The following ADAM32 variants were observed in gnomAD, a reference collection of about 807,000 sequenced individuals.
The protein encoded by ADAM32 is ADAM metallopeptidase domain 32, also known as disintegrin and metalloproteinase domain-containing protein 32.
Under a neutral mutation model 114.9 loss-of-function variants are expected in ADAM32, and 89 were observed. The ratio of observed to expected loss-of-function variants is 0.77; its 90% CI spans 0.65 to 0.92. ADAM32 has a LOEUF of 0.92. Ranked by LOEUF, ADAM32 falls within the 40% of genes least tolerant of loss-of-function variation. The pLI is 0.00. For missense variants in ADAM32, 870 were observed against 932.8 expected, an observed-to-expected ratio of 0.93 and a Z score of 0.88; for synonymous variants, 285 against 307.5, an observed-to-expected ratio of 0.93 and a Z score of 0.77.
rs773864055 is a variant in ADAM32, at chr8:39,232,131, T to TG, written c.1632dup (p.Arg545GlufsTer24). On this transcript the variant is annotated frameshift_variant, in exon 15 of 25. Coordinates refer to ENST00000379907, the MANE Select transcript of ADAM32 (RefSeq NM_145004.7). LOFTEE classifies it high-confidence loss of function. The stretch of plus-strand genomic sequence containing the variant: ...AAATAACAAATATGTGTTCTGTGGA[T>TG]GGAGGTATGCTCTACAAATATAAAT... 1 of 1,589,196 alleles carries TG rather than the reference T, an allele frequency of 6.3e-7. No individual in the cohort carries two copies. Among genetic ancestry groups the TG allele is most frequent in the South Asian group, 1.1e-5 (1 of 89,142 alleles).
chr8:39,247,010 C>T (rs997588932), intron 17 of ADAM32, among the ~76,000 whole-genome samples: 4 of 151,928 alleles, frequency 2.6e-5, no homozygotes, highest in Non-Finnish European at 4.4e-5. Flanking sequence ...AATGTTTCTC[C>T]GTGTTTTTCT....
chr8:39,270,254 A>G (rs1051342113), intron 19 of ADAM32, among the ~76,000 whole-genome samples: 2 of 152,164 alleles, frequency 1.3e-5, no homozygotes, highest in African/African-American at 4.8e-5. Flanking sequence ...GGGAGTGTGA[A>G]CTGGGGTCCT....
At chr8:39,171,044 A>G (rs1221805570) in intron 10 of ADAM32, among the ~76,000 whole-genome samples, 2 of 152,066 alleles carry the variant, frequency 1.3e-5, no homozygotes, top group African/African-American at 2.4e-5. Flanking sequence ...AGCGATTCTC[A>G]TGTCTCAGTC....
At chr8:39,133,698 A>G (rs1802601272) in intron 2 of ADAM32, among the ~76,000 whole-genome samples, 1 of 152,136 alleles carries the variant, frequency 6.6e-6, no homozygotes, top group South Asian at 2.1e-4. Flanking sequence ...GTGGCAGACT[A>G]GGCGGGCCAT....
chr8:39,155,210 T>G (rs1172769384), intron 6 of ADAM32, among the ~76,000 whole-genome samples: 1 of 152,212 alleles, frequency 6.6e-6, no homozygotes, highest in Non-Finnish European at 1.5e-5. Flanking sequence ...CAACATAGTA[T>G]TGGAAATTCC....
intron 12 of ADAM32, among the ~76,000 whole-genome samples, chr8:39,214,569 T>C (rs2129448499): frequency 6.6e-6 from 1 of 152,250 alleles, no homozygotes; most frequent in South Asian, 2.1e-4. Flanking sequence ...TTTGAGCTCC[T>C]TTTATGTTCT....
intron 16 of ADAM32, among the ~76,000 whole-genome samples, chr8:39,235,136 A>C (rs1810034703): frequency 6.6e-6 from 1 of 152,054 alleles, no homozygotes; most frequent in African/African-American, 2.4e-5. Flanking sequence ...TAAATAAATA[A>C]ATATTTAGAA....
chr8:39,247,581 G>C (rs1701766623), intron 17 of ADAM32, among the ~76,000 whole-genome samples: 1 of 151,580 alleles, frequency 6.6e-6, no homozygotes, highest in Non-Finnish European at 1.5e-5. Context: ...TTCATATTTT[G>C]AATAACAGTC....
intron 9 of ADAM32, 44 bp downstream of exon 9, chr8:39,165,240 T>G: frequency 7.6e-7 from 1 of 1,315,522 alleles, no homozygotes; most frequent in South Asian, 1.6e-5. Context: ...AACAAAGACC[T>G]GTGATAATTA....
chr8:39,230,772 C>T (rs944736571), intron 14 of ADAM32, among the ~76,000 whole-genome samples: 2 of 152,176 alleles, frequency 1.3e-5, no homozygotes, highest in African/African-American at 4.8e-5. Flanking sequence ...ATAGAAGGTG[C>T]AGGTAAACAG....
At chr8:39,248,297 G>A (rs10093393) in intron 17 of ADAM32, among the ~76,000 whole-genome samples, 42,023 of 151,986 alleles carry the variant, frequency 0.28, 6,114 homozygotes, top group African/African-American at 0.35. Context: ...ATATCTTGAC[G>A]ATATTGAGTC....
intron 23 of ADAM32, among the ~76,000 whole-genome samples, chr8:39,282,995 T>C (rs552112134): frequency 6.6e-6 from 1 of 152,258 alleles, no homozygotes; most frequent in African/African-American, 2.4e-5. Flanking sequence ...CTCTCACTTA[T>C]ATTGTATTAT....
At chr8:39,234,450 T>C (rs931952739) in intron 16 of ADAM32, among the ~76,000 whole-genome samples, 1 of 152,150 alleles carries the variant, frequency 6.6e-6, no homozygotes, top group Admixed American at 6.5e-5. Flanking sequence ...TGTGGCCCCA[T>C]GAATAACAGC....
chr8:39,252,599 A>G (rs967529065), intron 17 of ADAM32, among the ~76,000 whole-genome samples: 2 of 151,534 alleles, frequency 1.3e-5, no homozygotes, highest in Non-Finnish European at 3.0e-5. Context: ...AATAAGATAG[A>G]GAATAGAAAA....
At chr8:39,264,250 G>A (rs2129451018) in intron 19 of ADAM32, among the ~76,000 whole-genome samples, 1 of 152,268 alleles carries the variant, frequency 6.6e-6, no homozygotes, top group South Asian at 2.1e-4. Flanking sequence ...TAACTGATCT[G>A]TGTAAGGTTT....
intron 10 of ADAM32, among the ~76,000 whole-genome samples, chr8:39,185,881 CTT>C (rs35894360): frequency 1.4e-5 from 2 of 148,028 alleles, no homozygotes; most frequent in Admixed American, 1.3e-4. Context: ...GTCATTAAAA[CTT>C]TTTTTTTTTT....
Position 39,223,162 on chromosome 8 carries a change from CA to C in ADAM32, c.1454del (p.Asn485IlefsTer68). The C allele has an allele frequency of 6.3e-7, 1 of 1,599,440 alleles. No homozygotes were observed. Among genetic ancestry groups the C allele is most frequent in the Non-Finnish European group, 8.5e-7 (1 of 1,173,296 alleles). On this transcript the variant is annotated frameshift_variant, in exon 14 of 25. Coordinates refer to ENST00000379907, the MANE Select transcript of ADAM32 (RefSeq NM_145004.7). LOFTEE classifies it high-confidence loss of function. ...TAACTTTAATCAATGGACTTTCATG[CA>C]AAAATAATAAGTTTATTTGTTATGA... is the stretch of plus-strand genomic sequence containing the variant. The part of the protein sequence containing the change: ...DITLINGLSC[K>X]NNKFICYDGD...
At chr8:39,142,561 C>T (rs572350168) in intron 3 of ADAM32, among the ~76,000 whole-genome samples, 1 of 152,294 alleles carries the variant, frequency 6.6e-6, no homozygotes, top group African/African-American at 2.4e-5. Flanking sequence ...AGGGTTTCTG[C>T]CGAGAGATCT....
intron 19 of ADAM32, among the ~76,000 whole-genome samples, chr8:39,265,144 G>T (rs1193152790): frequency 6.6e-6 from 1 of 152,090 alleles, no homozygotes; most frequent in African/African-American, 2.4e-5. Context: ...TCTCTTCGTA[G>T]GTCTCTAGGA....
Sources: gnomAD v4.1 joint callset for allele counts (sites outside exome capture counted in the v4.1 genomes callset) on GRCh38, gnomAD v4.1.1 for gene constraint, MANE v1.5 for transcripts, NCBI Gene and HGNC (gene_info 2026-07-23, HGNC 2026-07-21) for gene names.